Variants in ADARB2 observed in about 807,000 individuals in gnomAD.
ADARB2 encodes the protein adenosine deaminase RNA specific B2 (inactive), also known as inactive double-stranded RNA-specific editase B2.
In ADARB2, 25 loss-of-function variants were observed where a neutral mutation model predicts 62.2. The observed-to-expected ratio is 0.40, with a 90% CI of 0.29 to 0.56. The LOEUF is 0.56. ADARB2 is among the 20% of genes least tolerant of loss of function. The pLI is 0.43. For synonymous variants in ADARB2, 572 were observed against 500.8 expected (o/e 1.14, Z -1.90); for missense variants, 1,071 against 1,077.4 (o/e 0.99, Z 0.08).
chr10:1,703,775 G>GT (rs1002489547), intron 1 of ADARB2, among the ~76,000 whole-genome samples: 4 of 152,158 alleles, frequency 2.6e-5, no homozygotes, highest in Admixed American at 2.0e-4. Context: ...AAAGCAAGGT[G>GT]TTTTTTGAAA....
intron 1 of ADARB2, among the ~76,000 whole-genome samples, chr10:1,570,861 C>G (rs1332445710): frequency 6.6e-6 from 1 of 151,986 alleles, no homozygotes; most frequent in Non-Finnish European, 1.5e-5. Context: ...AGGATGGGAG[C>G]CCGCATCCTG....
At chr10:1,641,782 G>A (rs1156659667) in intron 1 of ADARB2, among the ~76,000 whole-genome samples, 1 of 152,196 alleles carries the variant, frequency 6.6e-6, no homozygotes, top group African/African-American at 2.4e-5. Context: ...GGAGGCCAAG[G>A]TGGGTGGATC....
At chr10:1,545,339 A>G (rs944383626) in intron 1 of ADARB2, among the ~76,000 whole-genome samples, 9 of 152,368 alleles carry the variant, frequency 5.9e-5, no homozygotes, top group African/African-American at 1.7e-4. Flanking sequence ...ATGTTTAAAG[A>G]TAGTTCAAAA....
At chr10:1,216,744 CT>C (rs1830627923) in intron 7 of ADARB2, 2 of 680,558 alleles carry the variant, frequency 2.9e-6, no homozygotes, top group Admixed American at 6.3e-5. Context: ...CAGGGCCTTG[CT>C]CCCTCAGGGA....
At chr10:1,256,427 G>T (rs1831079852) in intron 4 of ADARB2, among the ~76,000 whole-genome samples, 2 of 152,172 alleles carry the variant, frequency 1.3e-5, no homozygotes, top group Non-Finnish European at 2.9e-5. Context: ...GAAACCACAG[G>T]GGCCTGAATG....
chr10:1,329,977 A>G lies in ADARB2; in HGVS notation c.1077+33051T>C, dbSNP rs115268011. On this transcript the variant is annotated intron_variant, in intron 3 of 9. Coordinates refer to ENST00000381312, the MANE Select transcript of ADARB2 (RefSeq NM_018702.4). ...TTTCTCTTAAACACATTTAGATAGGACGGGAATGTTTTCCAGGGCTGGATG... is the reference window on the plus strand; with the variant it reads ...TTTCTCTTAAACACATTTAGATAGGGCGGGAATGTTTTCCAGGGCTGGATG... Among the ~76,000 whole-genome samples the G allele has an allele frequency of 2.2e-3, 297 of 134,020 alleles. 2 individuals carry two copies. The highest frequency in any genetic ancestry group is 8.0e-3 in the African/African-American group (288 of 35,834). 87.9% of individuals were successfully genotyped at this position (134,020 alleles called of 152,430 possible). A position where few individuals can be genotyped will look rare whatever the true frequency, so the allele number is the denominator to read the frequency against.
chr10:1,608,799 AAGCAAGGGAGGGAGGAG>A (rs1833529880), intron 1 of ADARB2, among the ~76,000 whole-genome samples: 3 of 148,514 alleles, frequency 2.0e-5, no homozygotes, highest in African/African-American at 7.4e-5. Flanking sequence ...AAAGAAAGAA[AAGCAAGGGAGGGAGGAG>A]GAAGGAAGGA....
chr10:1,623,999 G>A (rs1833737641), intron 1 of ADARB2, among the ~76,000 whole-genome samples: 1 of 152,166 alleles, frequency 6.6e-6, no homozygotes, highest in Non-Finnish European at 1.5e-5. Context: ...TTGGGAGGCT[G>A]AGGCGGATCG....
intron 1 of ADARB2, among the ~76,000 whole-genome samples, chr10:1,424,808 T>C (rs1588253610): frequency 6.6e-6 from 1 of 152,348 alleles, no homozygotes. Context: ...GGACGATCTG[T>C]CATCCTGTCG....
At chr10:1,636,573 G>T (rs1478205851) in intron 1 of ADARB2, among the ~76,000 whole-genome samples, 2 of 151,972 alleles carry the variant, frequency 1.3e-5, no homozygotes, top group African/African-American at 4.8e-5. Context: ...CAGACCAGCA[G>T]TTGCAAGAGA....
intron 1 of ADARB2, among the ~76,000 whole-genome samples, chr10:1,480,556 G>A (rs1822277443): frequency 6.6e-6 from 1 of 152,156 alleles, no homozygotes; most frequent in Non-Finnish European, 1.5e-5. Flanking sequence ...AAATTAGCTG[G>A]CCGTGGTGGC....
At chr10:1,579,291 A>T (rs1276013423) in intron 1 of ADARB2, among the ~76,000 whole-genome samples, 1 of 152,184 alleles carries the variant, frequency 6.6e-6, no homozygotes, top group African/African-American at 2.4e-5. Context: ...GGCACAATTT[A>T]CATCCTCCTA....
chr10:1,215,453 C>T (rs1837220933), intron 7 of ADARB2, among the ~76,000 whole-genome samples: 1 of 152,252 alleles, frequency 6.6e-6, no homozygotes. Flanking sequence ...GGGTCCTGCT[C>T]AGGCCTTCGG....
At chr10:1,424,825 G>A (rs1002426353) in intron 1 of ADARB2, among the ~76,000 whole-genome samples, 3 of 152,166 alleles carry the variant, frequency 2.0e-5, no homozygotes, top group African/African-American at 7.2e-5. Flanking sequence ...GTCGCATTTT[G>A]GTTGCCCCGA....
chr10:1,688,514 G>A (rs1834626059), intron 1 of ADARB2, among the ~76,000 whole-genome samples: 1 of 151,438 alleles, frequency 6.6e-6, no homozygotes, highest in Non-Finnish European at 1.5e-5. Flanking sequence ...ACTGAGATCT[G>A]CACCAATGGA....
chr10:1,310,410 A>C (rs533158437), intron 3 of ADARB2, among the ~76,000 whole-genome samples: 2 of 152,244 alleles, frequency 1.3e-5, no homozygotes, highest in Non-Finnish European at 2.9e-5. Context: ...TTGACTCTGA[A>C]TAACATTCCT....
chr10:1,260,570 A>T (rs1464320422), intron 4 of ADARB2, among the ~76,000 whole-genome samples: 1 of 152,004 alleles, frequency 6.6e-6, no homozygotes, highest in Non-Finnish European at 1.5e-5. Context: ...AAAGACAATA[A>T]AATACCTAGG....
At chr10:1,337,060 T>TTC (rs1554755006) in intron 3 of ADARB2, among the ~76,000 whole-genome samples, 3 of 82,518 alleles carry the variant, frequency 3.6e-5, no homozygotes, top group Admixed American at 1.4e-4. Flanking sequence ...ACTTAAAGAT[T>TTC]TCTGTGTGTG....
At position 1,326,776 on chromosome 10, in the gene ADARB2, C is replaced by A. The variant is rs12358210; in HGVS notation, c.1077+36252G>T. Reference sequence around the variant, plus strand: ...GGCACGGCGCCTCTGGTAGCACAGCCCCTCCTCACTGCCCAGCGCCTCCCC... The same window carrying A: ...GGCACGGCGCCTCTGGTAGCACAGCACCTCCTCACTGCCCAGCGCCTCCCC... On this transcript the variant is annotated intron_variant, in intron 3 of 9. Transcript: ENST00000381312. Among the ~76,000 whole-genome samples, 4 of 74,022 alleles carry A rather than the reference C, an allele frequency of 5.4e-5. No individual in the cohort carries two copies. The East Asian group carries it at 1.3e-3, about 23-fold the overall frequency. The allele number at this position is 74,022 out of a possible 152,430, so 48.6% of individuals were successfully genotyped here.
Sources: gnomAD v4.1 joint callset for allele counts (sites outside exome capture counted in the v4.1 genomes callset) on GRCh38, gnomAD v4.1.1 for gene constraint, MANE v1.5 for transcripts, NCBI Gene and HGNC (gene_info 2026-07-23, HGNC 2026-07-21) for gene names.